Variants in ELK4 observed in about 807,000 individuals in gnomAD.
ELK4 encodes the protein ETS transcription factor ELK4.
A neutral mutation model predicts 29.6 loss-of-function variants in ELK4; 16 were observed. That is an observed-to-expected ratio of 0.54 (90% confidence interval 0.37 to 0.82). The LOEUF (loss-of-function observed/expected upper bound fraction) is 0.82. Ranked by LOEUF, ELK4 falls within the 40% of genes least tolerant of loss-of-function variation. The probability of loss-of-function intolerance (pLI) is 0.00; values close to 1 mark genes in which losing one functional copy is unlikely to be tolerated. For synonymous variants in ELK4, 213 were observed against 191.1 expected (o/e 1.11, Z -0.95); for missense variants, 465 against 507.1 (o/e 0.92, Z 0.80).
intron 1 of ELK4, among the ~76,000 whole-genome samples, chr1:205,630,829 C>A (rs1171262451): frequency 6.6e-6 from 1 of 152,102 alleles, no homozygotes; most frequent in Non-Finnish European, 1.5e-5. Context: ...CCAAGTTTTC[C>A]AAGCCAGGGG....
In ELK4 at chr1:205,620,006, G is replaced by A; in HGVS notation, c.1040C>T (p.Ser347Phe). The change falls in exon 3 of 5, where the codon TCT becomes TTT. Residue 347 changes from serine to phenylalanine, a missense_variant. By Grantham distance (155) the Ser-to-Phe change is radical. Coordinates refer to ENST00000357992, the MANE Select transcript of ELK4 (RefSeq NM_001973.4). ...DPSPLGILSP[S>F]LPTASLTPAF... The stretch of plus-strand genomic sequence containing the variant: ...TGGTGTAAGAGAAGCTGTAGGGAGA[G>A]ATGGGCTCAGTATTCCCAGTGGGCT... 6.2e-7 allele frequency: 1 copy of A among 1,614,252 alleles called. No individual in the cohort carries two copies. The highest frequency in any genetic ancestry group is 2.2e-5 in the East Asian group (1 of 44,882).
intron 1 of ELK4, chr1:205,625,391 T>G (rs189637924): frequency 8.2e-6 from 4 of 486,804 alleles, no homozygotes; most frequent in Admixed American, 3.2e-5. Context: ...ATTGGCTGAA[T>G]CTGCCTACTT....
chr1:205,626,914 T>C (rs1328806139), intron 1 of ELK4, among the ~76,000 whole-genome samples: 1 of 152,184 alleles, frequency 6.6e-6, no homozygotes, highest in East Asian at 1.9e-4. Context: ...GTCCGTCAAC[T>C]GATGAATGGA....
chr1:205,617,358 T>G (rs1283916489), intron 4 of ELK4, among the ~76,000 whole-genome samples: 1 of 151,884 alleles, frequency 6.6e-6, no homozygotes, highest in African/African-American at 2.4e-5. Context: ...AAATCAGAGA[T>G]AGTCAACCAT....
Position 205,631,650 on chromosome 1 carries a change from T to TC in ELK4, c.-29dup, listed in dbSNP as rs1313461253. On this transcript the variant is annotated 5_prime_UTR_variant, in exon 1 of 5. Coordinates refer to ENST00000357992, the MANE Select transcript of ELK4 (RefSeq NM_001973.4). ...CGCTCACCGACGCCGCGCGCGGGGC[T>TC]CCCCCTCGGTCTCCGCCTCGAACAC... 408 of 329,504 alleles carry TC rather than the reference T, an allele frequency of 1.2e-3. 2 individuals carry two copies. Among genetic ancestry groups the TC allele is most frequent in the African/African-American group, 8.7e-3 (382 of 43,986 alleles). The allele number at this position is 329,504 out of a possible 1,614,324, so 20.4% of individuals were successfully genotyped here.
Position 205,616,782 on chromosome 1 carries a change from T to C in ELK4, c.1198-138A>G, listed in dbSNP as rs544959922. 32 of 616,530 alleles carry C rather than the reference T, an allele frequency of 5.2e-5. No individual in the cohort carries two copies. The African/African-American group carries it at 5.8e-4, about 11-fold the overall frequency. The allele number at this position is 616,530 out of a possible 1,614,324, so 38.2% of individuals were successfully genotyped here. Reference sequence around the variant, plus strand: ...GGACAAAGGCAGTGGCTGTTTATCATGAAAGAATATGATGTCATAACAAAA... The same window carrying C: ...GGACAAAGGCAGTGGCTGTTTATCACGAAAGAATATGATGTCATAACAAAA... On this transcript the variant is annotated intron_variant, in intron 4 of 4. Transcript: ENST00000357992.
intron 2 of ELK4, among the ~76,000 whole-genome samples, 193 bp from the exon 3 acceptor site, chr1:205,621,031 C>T (rs1006496220): frequency 2.0e-5 from 3 of 151,664 alleles, no homozygotes; most frequent in African/African-American, 7.3e-5. Context: ...CCCGTCTCCA[C>T]TAAAACAGAA....
chr1:205,619,082 C>A lies in ELK4; in HGVS notation c.1081-9G>T, dbSNP rs189875194. 1 of 1,527,694 alleles carries A rather than the reference C, an allele frequency of 6.5e-7. No individual in the cohort carries two copies. The highest frequency in any genetic ancestry group is 8.8e-7 in the Non-Finnish European group (1 of 1,136,032). The allele number at this position is 1,527,694 out of a possible 1,614,324, so 94.6% of individuals were successfully genotyped here. A position where few individuals can be genotyped will look rare whatever the true frequency, so the allele number is the denominator to read the frequency against. On this transcript the variant is annotated splice_polypyrimidine_tract_variant and intron_variant, in intron 3 of 4. Coordinates refer to ENST00000357992, the MANE Select transcript of ELK4 (RefSeq NM_001973.4). ...GTCAGTATGATGGGTGTCTGCAATA[C>A]ACAAAGCAAAAATATTCACTGACTG...
At position 205,620,783 on chromosome 1, in the gene ELK4, G is replaced by A; in HGVS notation, c.263C>T (p.Pro88Leu). Residue 88 changes from proline to leucine, a missense_variant, in exon 3 of 5, where the codon CCA becomes CTA. By Grantham distance (98) the Pro-to-Leu change is moderately conservative (BLOSUM62 -3). Coordinates refer to ENST00000357992, the MANE Select transcript of ELK4 (RefSeq NM_001973.4). ...QKFVYKFVSY[P>L]EILNMDPMTV... ...CATTGGATCCATGTTCAAAATCTCTGGATAAGAGACAAACTTGTACACAAA... is the reference window on the plus strand; with the variant it reads ...CATTGGATCCATGTTCAAAATCTCTAGATAAGAGACAAACTTGTACACAAA... The A allele has an allele frequency of 6.2e-7, 1 of 1,613,680 alleles. No individual in the cohort carries two copies. Among genetic ancestry groups the A allele is most frequent in the Non-Finnish European group, 8.5e-7 (1 of 1,179,984 alleles).
In ELK4 at chr1:205,619,442, G is replaced by A. The variant is rs569952537; in HGVS notation, c.1081-369C>T. On this transcript the variant is annotated intron_variant, in intron 3 of 4. Coordinates refer to ENST00000357992, the MANE Select transcript of ELK4 (RefSeq NM_001973.4). ...AACCAACCTGAATTCAGGTACAGAG[G>A]AATAATGGGTAACCAAGACACCAGC... 9 of 1,062,506 alleles carry A rather than the reference G, an allele frequency of 8.5e-6. No homozygotes were observed. The East Asian group carries it at 1.7e-4, about 20-fold the overall frequency. 65.8% of individuals were successfully genotyped at this position (1,062,506 alleles called of 1,614,324 possible). A position where few individuals can be genotyped will look rare whatever the true frequency, so the allele number is the denominator to read the frequency against.
At chr1:205,630,226 T>G (rs1670553830) in intron 1 of ELK4, among the ~76,000 whole-genome samples, 1 of 152,230 alleles carries the variant, frequency 6.6e-6, no homozygotes, top group East Asian at 1.9e-4. Flanking sequence ...AATGAAGGTA[T>G]TTGATTTTTG....
chr1:205,624,830 T>C (rs1190734221), intron 1 of ELK4, among the ~76,000 whole-genome samples: 2 of 152,136 alleles, frequency 1.3e-5, no homozygotes, highest in East Asian at 1.9e-4. Flanking sequence ...CTGCCAAATA[T>C]TCCCCCAGGG....
At chr1:205,625,674 T>C in intron 1 of ELK4, 2 of 825,844 alleles carry the variant, frequency 2.4e-6, no homozygotes, top group Non-Finnish European at 2.0e-6. Context: ...CTGCTGCTGC[T>C]GCTTCTTTTT....
intron 1 of ELK4, among the ~76,000 whole-genome samples, chr1:205,627,212 AAAT>A (rs1360600119): frequency 6.6e-6 from 1 of 152,110 alleles, no homozygotes; most frequent in African/African-American, 2.4e-5. Context: ...GGGGTGATGA[AAAT>A]ATTATAAACT....
At chr1:205,620,863 T>C (rs1269007033) in intron 2 of ELK4, 25 bp from the exon 3 acceptor site, 3 of 1,574,318 alleles carry the variant, frequency 1.9e-6, no homozygotes, top group Non-Finnish European at 2.6e-6. Flanking sequence ...AAAAAGCATT[T>C]TTATCCTTTC....
At position 205,610,772 on chromosome 1, in the gene ELK4, C is replaced by G. The variant is rs537952881; in HGVS notation, c.*5774G>C. 1.3e-5 allele frequency: 3 copies of G among 230,500 alleles called. No homozygotes were observed. Among genetic ancestry groups the G allele is most frequent in the Non-Finnish European group, 2.6e-5 (3 of 117,162 alleles). 14.3% of individuals were successfully genotyped at this position (230,500 alleles called of 1,614,324 possible). ...TGTTCCCTATGAAAACAGATTTACA[C>G]GCGCACACACACACACACACACATT... On this transcript the variant is annotated 3_prime_UTR_variant, in exon 5 of 5. Coordinates refer to ENST00000357992, the MANE Select transcript of ELK4 (RefSeq NM_001973.4).
intron 1 of ELK4, among the ~76,000 whole-genome samples, chr1:205,629,147 G>C (rs1343835823): frequency 3.0e-5 from 4 of 131,460 alleles, no homozygotes; most frequent in African/African-American, 1.2e-4. Flanking sequence ...CTCCAGCCTG[G>C]GCAACAGAGC....
rs765568892 is a variant in ELK4, at chr1:205,620,520, C to T, written c.526G>A (p.Ala176Thr). 1.2e-6 allele frequency: 2 copies of T among 1,614,032 alleles called. No individual in the cohort carries two copies. Among genetic ancestry groups the T allele is most frequent in the Non-Finnish European group, 8.5e-7 (1 of 1,180,002 alleles). ...IKTENPAEKL[A>T]EKKSPQEPTP... ...GGCTCCTGAGGAGATTTTTTCTCTG[C>T]CAGTTTCTCGGCTGGATTCTCAGTC... The change falls in exon 3 of 5, where the codon GCA becomes ACA. Residue 176 changes from alanine to threonine, a missense_variant. By Grantham distance (58) the Ala-to-Thr change is moderately conservative (BLOSUM62 0). Around this residue, in one of 2 missense-constraint regions of ELK4, gnomAD observed 385 missense variants for 387.5 expected, o/e 0.99. Transcript: ENST00000357992.
rs1227057276 is a variant in ELK4 at position 205,620,210 on chromosome 1, T to G, written c.836A>C (p.Asp279Ala). 6.2e-7 allele frequency: 1 copy of G among 1,614,216 alleles called. No homozygotes were observed. The highest frequency in any genetic ancestry group is 1.7e-5 in the Admixed American group (1 of 60,018). ...SPPLSSHPDI[D>A]TDIDSVASQP... ...AGAAGCCACTGAATCAATGTCTGTG[T>G]CGATGTCTGGGTGAGAACTCAGTGG... Residue 279 changes from aspartate to alanine, a missense_variant, in exon 3 of 5, where the codon GAC becomes GCC. Physicochemically the swap from Asp to Ala is moderately radical, Grantham distance 126 (BLOSUM62 -2). Transcript: ENST00000357992.
Sources: gnomAD v4.1 joint callset for allele counts (sites outside exome capture counted in the v4.1 genomes callset) on GRCh38, gnomAD v4.1.1 for gene constraint, gnomAD v4.1.1 regional missense constraint, MANE v1.5 for transcripts, NCBI Gene and HGNC (gene_info 2026-07-23, HGNC 2026-07-21) for gene names.